Variants in NMNAT2 observed in about 807,000 individuals in gnomAD.
NMNAT2 encodes nicotinamide/nicotinic acid mononucleotide adenylyltransferase 2.
NMNAT2 carries 11 observed loss-of-function variants against 41.6 expected under a neutral mutation model. The ratio of observed to expected loss-of-function variants is 0.26; its 90% confidence interval spans 0.17 to 0.44. The LOEUF (loss-of-function observed/expected upper bound fraction) is 0.44. Among genes scored for constraint, NMNAT2 ranks in the 20% least tolerant of loss-of-function variants. The pLI is 1.00. For missense variants in NMNAT2, 288 were observed against 407.7 expected (o/e 0.71, Z 2.53); for synonymous variants, 148 against 151.2 (o/e 0.98, Z 0.16).
chr1:183,369,346 G>A (rs936554428), intron 1 of NMNAT2, among the ~76,000 whole-genome samples: 12 of 149,068 alleles, frequency 8.1e-5, no homozygotes, highest in Admixed American at 4.7e-4. Flanking sequence ...GCGTGATCTC[G>A]GCTCACTGCA....
intron 1 of NMNAT2, among the ~76,000 whole-genome samples, chr1:183,317,017 G>A (rs1009892009): frequency 6.6e-6 from 1 of 152,156 alleles, no homozygotes; most frequent in Non-Finnish European, 1.5e-5. Flanking sequence ...TTTGATAAAT[G>A]TTACCTGATC....
At chr1:183,288,499 T>C (rs989589587) in intron 4 of NMNAT2, among the ~76,000 whole-genome samples, 28 of 152,200 alleles carry the variant, frequency 1.8e-4, no homozygotes, top group African/African-American at 6.8e-4. Flanking sequence ...CTGGCAGAGC[T>C]TCTCTGGCCC....
chr1:183,293,922 A>G, intron 1 of NMNAT2, 129 bp from the exon 2 acceptor site: 1 of 681,484 alleles, frequency 1.5e-6, no homozygotes, highest in South Asian at 1.9e-5. Flanking sequence ...TTTAAATAGA[A>G]AATGTCAACT....
At chr1:183,293,897 C>A in intron 1 of NMNAT2, 104 bp from the exon 2 acceptor site, 1 of 772,980 alleles carries the variant, frequency 1.3e-6, no homozygotes. Flanking sequence ...GGTTTATTTC[C>A]CATCTCTCTT....
At chr1:183,335,748 A>T (rs1029795993) in intron 1 of NMNAT2, among the ~76,000 whole-genome samples, 19 of 152,134 alleles carry the variant, frequency 1.2e-4, no homozygotes, top group African/African-American at 4.3e-4. Context: ...CATTATTTTT[A>T]CTATATGTTT....
intron 1 of NMNAT2, among the ~76,000 whole-genome samples, chr1:183,390,840 CTAT>C (rs1648461272): frequency 6.6e-6 from 1 of 152,112 alleles, no homozygotes; most frequent in Non-Finnish European, 1.5e-5. Flanking sequence ...AGAGCAAAAC[CTAT>C]TATTTTCTTT....
chr1:183,336,809 A>G (rs1662685843), intron 1 of NMNAT2, among the ~76,000 whole-genome samples: 1 of 152,242 alleles, frequency 6.6e-6, no homozygotes, highest in South Asian at 2.1e-4. Context: ...AACAACCCAA[A>G]TGTTCATCAA....
chr1:183,278,766 T>A, intron 7 of NMNAT2, 137 bp from the exon 8 acceptor site: 1 of 662,232 alleles, frequency 1.5e-6, no homozygotes. Flanking sequence ...CAGGTGCCTC[T>A]GCCCCTGAGT....
chr1:183,264,087 G>A lies in NMNAT2; in HGVS notation c.652-2784C>T, dbSNP rs563493851. Reference sequence around the variant, plus strand: ...TCCATGGGGATTCCTAAGCTGCGTGGTTATGTAGATGTTTCAAGATAACCT... The same window carrying A: ...TCCATGGGGATTCCTAAGCTGCGTGATTATGTAGATGTTTCAAGATAACCT... On this transcript the variant is annotated intron_variant, in intron 8 of 10. Transcript: ENST00000287713. 1.1e-3 allele frequency among the ~76,000 whole-genome samples: 175 copies of A among 152,206 alleles called. 5 individuals carry two copies. In the South Asian group the frequency reaches 0.036, roughly 31 times the overall value.
rs909049517 is a variant in NMNAT2 at position 183,349,134 on chromosome 1, A to G, written c.86-55341T>C. Among the ~76,000 whole-genome samples, 98 of 152,258 alleles carry G rather than the reference A, an allele frequency of 6.4e-4. 1 individual carries two copies. Among genetic ancestry groups the G allele is most frequent in the Non-Finnish European group, 8.8e-5 (6 of 68,044 alleles). ...AGGCACTGGTTTCTGGTATTCAGAA[A>G]TAGCCCTGGTGAAACCTGTCATATG... On this transcript the variant is annotated intron_variant, in intron 1 of 10. Coordinates refer to ENST00000287713, the MANE Select transcript of NMNAT2 (RefSeq NM_015039.4).
chr1:183,304,843 G>T (rs201509252), intron 1 of NMNAT2: 1 of 1,586,366 alleles, frequency 6.3e-7, no homozygotes. Context: ...GATCTTGTTT[G>T]CTCCACTACC....
intron 8 of NMNAT2, among the ~76,000 whole-genome samples, chr1:183,268,407 T>C (rs951518807): frequency 1.3e-5 from 2 of 152,206 alleles, no homozygotes; most frequent in African/African-American, 4.8e-5. Context: ...CACTCTCTAG[T>C]GTGAGACATT....
At chr1:183,397,624 T>C (rs555459193) in intron 1 of NMNAT2, among the ~76,000 whole-genome samples, 11 of 152,042 alleles carry the variant, frequency 7.2e-5, no homozygotes, top group African/African-American at 2.7e-4. Flanking sequence ...TCAACAAAGT[T>C]GAAATGAAGG....
intron 1 of NMNAT2, among the ~76,000 whole-genome samples, chr1:183,299,415 A>G (rs188004867): frequency 6.6e-6 from 1 of 152,288 alleles, no homozygotes; most frequent in East Asian, 1.9e-4. Context: ...CAAATTATTG[A>G]TATGTGCAAG....
At chr1:183,258,786 G>GC (rs1260055490) in intron 10 of NMNAT2, among the ~76,000 whole-genome samples, 1 of 151,776 alleles carries the variant, frequency 6.6e-6, no homozygotes, top group African/African-American at 2.4e-5. Flanking sequence ...TGAATTTGCG[G>GC]CCCCCCACCC....
chr1:183,301,577 T>C (rs1251474129), intron 1 of NMNAT2, among the ~76,000 whole-genome samples: 1 of 152,246 alleles, frequency 6.6e-6, no homozygotes, highest in African/African-American at 2.4e-5. Context: ...TTTGCTCCTG[T>C]GCTCATGGAG....
At chr1:183,271,909 C>T (rs944570730) in intron 8 of NMNAT2, among the ~76,000 whole-genome samples, 7 of 152,206 alleles carry the variant, frequency 4.6e-5, no homozygotes, top group South Asian at 2.1e-4. Context: ...CCTGCCACCA[C>T]GCCTAGGTAA....
At chr1:183,352,743 G>A (rs577960261) in intron 1 of NMNAT2, among the ~76,000 whole-genome samples, 24 of 152,216 alleles carry the variant, frequency 1.6e-4, no homozygotes, top group Middle Eastern at 6.8e-3. Context: ...AGCTGGTCCC[G>A]GGAACATGGT....
intron 1 of NMNAT2, among the ~76,000 whole-genome samples, chr1:183,302,625 T>C (rs1017561070): frequency 4.6e-5 from 7 of 152,036 alleles, no homozygotes; most frequent in African/African-American, 1.7e-4. Context: ...CTAACTACCT[T>C]CACTATTGCG....
Sources: gnomAD v4.1 joint callset for allele counts (sites outside exome capture counted in the v4.1 genomes callset) on GRCh38, gnomAD v4.1.1 for gene constraint, MANE v1.5 for transcripts, NCBI Gene and HGNC (gene_info 2026-07-23, HGNC 2026-07-21) for gene names.